The following MYOF variants were observed in gnomAD, a reference collection of about 807,000 sequenced individuals.
The protein encoded by MYOF is myoferlin.
A neutral mutation model predicts 284.2 loss-of-function variants in MYOF; 244 were observed. That is an observed-to-expected ratio of 0.86 (90% confidence interval 0.77 to 0.95). The LOEUF is 0.95. Ranked by LOEUF, MYOF falls within the 40% of genes least tolerant of loss-of-function variation. MYOF has a pLI of 0.00. For synonymous variants in MYOF, 904 were observed against 919.7 expected (o/e 0.98, Z 0.31); for missense variants, 2,496 against 2,560.6 (o/e 0.97, Z 0.54).
chr10:93,431,361 T>A (rs1363603453), intron 4 of MYOF, 47 bp downstream of exon 4: 1 of 1,546,902 alleles, frequency 6.5e-7, no homozygotes, highest in Non-Finnish European at 8.9e-7. Flanking sequence ...GAAATTTTGC[T>A]CAATCATCTC....
At chr10:93,425,850 G>A (rs550772500) in intron 5 of MYOF, 4 of 579,896 alleles carry the variant, frequency 6.9e-6, no homozygotes, top group South Asian at 2.0e-5. Flanking sequence ...AGGTTGTTCA[G>A]TAAAGGGTTG....
At chr10:93,455,455 C>T (rs1006562733) in intron 2 of MYOF, among the ~76,000 whole-genome samples, 1 of 151,792 alleles carries the variant, frequency 6.6e-6, no homozygotes, top group African/African-American at 2.4e-5. Context: ...ATCACTTGAG[C>T]TCAGGAGTTG....
chr10:93,451,939 A>G, intron 3 of MYOF, 111 bp downstream of exon 3: 2 of 829,218 alleles, frequency 2.4e-6, no homozygotes, highest in South Asian at 3.2e-5. Flanking sequence ...ATTAAAGCAC[A>G]TTTATATTGG....
chr10:93,355,157 A>C (rs192119876), intron 31 of MYOF, among the ~76,000 whole-genome samples: 7 of 152,228 alleles, frequency 4.6e-5, no homozygotes, highest in African/African-American at 1.7e-4. Context: ...ATGGTTTTCA[A>C]CTGTAGTTTT....
At chr10:93,358,192 GA>G (rs962251335) in intron 29 of MYOF, among the ~76,000 whole-genome samples, 29 of 152,000 alleles carry the variant, frequency 1.9e-4, no homozygotes, top group African/African-American at 6.5e-4. Flanking sequence ...CAAAAAACAT[GA>G]AAAAAAGCTC....
intron 5 of MYOF, chr10:93,425,817 A>G (rs1049162250): frequency 1.9e-6 from 1 of 527,100 alleles, no homozygotes; most frequent in Non-Finnish European, 3.4e-6. Flanking sequence ...TGGAGCCGGC[A>G]TGTGCTTTTT....
At chr10:93,404,555 T>C (rs1847458984) in intron 7 of MYOF, among the ~76,000 whole-genome samples, 2 of 143,388 alleles carry the variant, frequency 1.4e-5, no homozygotes, top group African/African-American at 5.3e-5. Flanking sequence ...ACCCCTGTAA[T>C]CCCAACACTC....
intron 35 of MYOF, 53 bp from the exon 36 acceptor site, chr10:93,350,022 T>C: frequency 6.5e-7 from 1 of 1,543,284 alleles, no homozygotes; most frequent in Non-Finnish European, 8.8e-7. Flanking sequence ...TTAAAAATAA[T>C]ATTCAAAAGG....
intron 3 of MYOF, 29 bp from the exon 4 acceptor site, chr10:93,431,545 A>G: frequency 6.3e-7 from 1 of 1,576,060 alleles, no homozygotes; most frequent in Non-Finnish European, 8.7e-7. Flanking sequence ...AGCACATAGC[A>G]GCCTAAGTAG....
chr10:93,310,483 C>A (rs747357423), intron 52 of MYOF, 51 bp downstream of exon 52: 3 of 1,561,338 alleles, frequency 1.9e-6, no homozygotes, highest in East Asian at 4.5e-5. Context: ...GGAAGGGGGG[C>A]TCTCAGCCTG....
chr10:93,335,855 T>C, intron 41 of MYOF, 66 bp downstream of exon 41: 1 of 1,555,392 alleles, frequency 6.4e-7, no homozygotes, highest in Non-Finnish European at 8.7e-7. Context: ...CTGGTTGTCC[T>C]TTATTCTAGG....
chr10:93,335,647 A>G (rs1843565570), intron 41 of MYOF, among the ~76,000 whole-genome samples: 1 of 136,906 alleles, frequency 7.3e-6, no homozygotes, highest in Non-Finnish European at 1.6e-5. Context: ...GCTTGGCGTG[A>G]GCAGGGAGGC....
chr10:93,422,463 C>G (rs1164218817), intron 5 of MYOF, among the ~76,000 whole-genome samples: 1 of 152,166 alleles, frequency 6.6e-6, no homozygotes, highest in East Asian at 1.9e-4. Context: ...GGAGAAGGAG[C>G]CTTGGGTGGC....
chr10:93,332,778 C>T (rs779373466), intron 43 of MYOF, among the ~76,000 whole-genome samples: 2 of 151,858 alleles, frequency 1.3e-5, no homozygotes, highest in Non-Finnish European at 2.9e-5. Context: ...ACCCAGGAGG[C>T]GGAGCTTGCA....
At chr10:93,395,080 T>G (rs1846936274) in intron 16 of MYOF, among the ~76,000 whole-genome samples, 1 of 152,044 alleles carries the variant, frequency 6.6e-6, no homozygotes, top group Non-Finnish European at 1.5e-5. Context: ...TCTCACTTTG[T>G]TTCATGTGTT....
At chr10:93,457,484 C>T (rs1444741499) in intron 1 of MYOF, among the ~76,000 whole-genome samples, 1 of 152,152 alleles carries the variant, frequency 6.6e-6, no homozygotes, top group Non-Finnish European at 1.5e-5. Flanking sequence ...CTAAGACCAG[C>T]GGATAATTTG....
intron 50 of MYOF, among the ~76,000 whole-genome samples, chr10:93,315,129 C>G (rs948964210): frequency 6.6e-6 from 1 of 152,214 alleles, no homozygotes; most frequent in African/African-American, 2.4e-5. Context: ...TACTTGCATA[C>G]TCATTTATTT....
At position 93,341,542 on chromosome 10, in the gene MYOF, G is replaced by A. The variant is rs188776000; in HGVS notation, c.4327-1378C>T. Among the ~76,000 whole-genome samples the A allele has an allele frequency of 4.5e-4, 69 of 152,296 alleles. 1 individual carries two copies. The East Asian group carries it at 0.013, about 29-fold the overall frequency. ...TCCACCTGCCTCAGCCTCCCAAAGTGCTGGGATTACAGGCGTAAGCCACTG... is the reference window on the plus strand; with the variant it reads ...TCCACCTGCCTCAGCCTCCCAAAGTACTGGGATTACAGGCGTAAGCCACTG... On this transcript the variant is annotated intron_variant, in intron 38 of 53. Coordinates refer to ENST00000359263, the MANE Select transcript of MYOF (RefSeq NM_013451.4).
intron 32 of MYOF, among the ~76,000 whole-genome samples, chr10:93,353,136 G>C (rs1440401758): frequency 1.3e-5 from 2 of 152,146 alleles, no homozygotes; most frequent in African/African-American, 2.4e-5. Flanking sequence ...GCTGGGCTTT[G>C]AGTCCCAAAC....
Sources: allele counts gnomAD v4.1 joint callset (sites outside exome capture counted in the v4.1 genomes callset), GRCh38; gene constraint gnomAD v4.1.1; transcripts MANE v1.5; gene names NCBI Gene and HGNC (gene_info 2026-07-23, HGNC 2026-07-21).